Variants in NCBP2 observed in about 807,000 individuals in gnomAD.
The protein encoded by NCBP2 is nuclear cap-binding protein subunit 2.
NCBP2 carries 8 observed loss-of-function variants against 21.5 expected under a neutral mutation model. That is an observed-to-expected ratio of 0.37 (90% CI 0.22 to 0.67). The LOEUF is 0.67. Among genes scored for constraint, NCBP2 ranks in the 30% least tolerant of loss-of-function variants. The pLI is 0.56. For synonymous variants in NCBP2, 92 were observed against 75.8 expected (o/e 1.21, Z -1.11); for missense variants, 127 against 206.9 (o/e 0.61, Z 2.37).
At chr3:196,939,069 G>C (rs778324714) in intron 2 of NCBP2, 182 bp downstream of exon 2, 2 of 500,452 alleles carry the variant, frequency 4.0e-6, no homozygotes, top group Non-Finnish European at 7.0e-6. Flanking sequence ...GAACCATAAA[G>C]CATGGATTTC....
Position 196,942,521 on chromosome 3 carries a change from C to T in NCBP2, c.-18G>A. 6.2e-7 allele frequency: 1 copy of T among 1,606,546 alleles called. No individual in the cohort carries two copies. The highest frequency in any genetic ancestry group is 8.5e-7 in the Non-Finnish European group (1 of 1,176,428). On this transcript the variant is annotated 5_prime_UTR_variant, in exon 1 of 4. Coordinates refer to ENST00000321256, the MANE Select transcript of NCBP2 (RefSeq NM_007362.5). ...CCCGACATAGTGCAGAGAAGCGGACCACAATGCGGCGACTCCCGGCACGAG... is the reference window on the plus strand; with the variant it reads ...CCCGACATAGTGCAGAGAAGCGGACTACAATGCGGCGACTCCCGGCACGAG...
At position 196,939,443 on chromosome 3, in the gene NCBP2, A is replaced by C; in HGVS notation, c.79-11T>G. On this transcript the variant is annotated splice_polypyrimidine_tract_variant and intron_variant, in intron 1 of 3. Coordinates refer to ENST00000321256, the MANE Select transcript of NCBP2 (RefSeq NM_007362.5). The stretch of plus-strand genomic sequence containing the variant: ...TTCTTCATTGTCACCCTAGAATTTC[A>C]AATAGAGACAAAAGTTAAGCAACTT... 1 of 1,580,192 alleles carries C rather than the reference A, an allele frequency of 6.3e-7. No homozygotes were observed. Among genetic ancestry groups the C allele is most frequent in the Non-Finnish European group, 8.6e-7 (1 of 1,160,714 alleles).
At chr3:196,940,325 T>C (rs562810736) in intron 1 of NCBP2, among the ~76,000 whole-genome samples, 1 of 152,138 alleles carries the variant, frequency 6.6e-6, no homozygotes, top group Admixed American at 6.5e-5. Context: ...GGAGCTGAGA[T>C]TGCACCACTG....
At chr3:196,940,556 T>C (rs1255987456) in intron 1 of NCBP2, among the ~76,000 whole-genome samples, 5 of 152,306 alleles carry the variant, frequency 3.3e-5, no homozygotes, top group Non-Finnish European at 7.4e-5. Flanking sequence ...TCCAAATAAA[T>C]AGCCTACAGT....
At chr3:196,940,781 T>C (rs916917145) in intron 1 of NCBP2, among the ~76,000 whole-genome samples, 2 of 152,188 alleles carry the variant, frequency 1.3e-5, no homozygotes, top group Non-Finnish European at 2.9e-5. Context: ...CTGTCTAAAG[T>C]AGTAACTAAA....
chr3:196,937,961 G>A, intron 2 of NCBP2: 2 of 294,652 alleles, frequency 6.8e-6, no homozygotes, highest in South Asian at 8.1e-5. Flanking sequence ...AACCAGTGCT[G>A]TATATTCAAG....
At chr3:196,941,751 C>T (rs987931882) in intron 1 of NCBP2, 4 of 663,180 alleles carry the variant, frequency 6.0e-6, no homozygotes, top group Non-Finnish European at 1.0e-5. Flanking sequence ...TCTGCTGCCT[C>T]CCCTTTTTCC....
chr3:196,942,201 A>G, intron 1 of NCBP2: 2 of 1,454,332 alleles, frequency 1.4e-6, no homozygotes, highest in Non-Finnish European at 1.8e-6. Flanking sequence ...CTGCGAGCGA[A>G]TGGGATAAGC....
chr3:196,937,445 A>G (rs1461448629), intron 3 of NCBP2, 65 bp downstream of exon 3: 2 of 1,594,910 alleles, frequency 1.3e-6, no homozygotes, highest in Non-Finnish European at 1.7e-6. Context: ...ACAAATTGCC[A>G]AAACACCTGT....
chr3:196,937,107 A>G (rs1716301202), intron 3 of NCBP2, 25 bp from the exon 4 acceptor site: 14 of 1,608,752 alleles, frequency 8.7e-6, no homozygotes, highest in Non-Finnish European at 1.2e-5. Flanking sequence ...ATCCAGAGTT[A>G]CAGTATGGAA....
Position 196,937,005 on chromosome 3 carries a change from C to A in NCBP2, c.*6G>T. The stretch of plus-strand genomic sequence containing the variant: ...GAGTGTTTGTCACTGACAGAGCTCT[C>A]ACCACTCACTGGTTCTGTGCCAGTT... On this transcript the variant is annotated 3_prime_UTR_variant, in exon 4 of 4. Transcript: ENST00000321256. The A allele has an allele frequency of 1.9e-6, 3 of 1,613,992 alleles. No individual in the cohort carries two copies. The highest frequency in any genetic ancestry group is 1.7e-6 in the Non-Finnish European group (2 of 1,179,850).
At position 196,937,560 on chromosome 3, in the gene NCBP2, C is replaced by T. The variant is rs779236116; in HGVS notation, c.349G>A (p.Ala117Thr). ...DDRIIRTDWD[A>T]GFKEGRQYGR... ...TATTGCCTGCCCTCCTTAAAGCCTGCGTCCCAGTCTGTGCGAATGATTCGG... is the reference window on the plus strand; with the variant it reads ...TATTGCCTGCCCTCCTTAAAGCCTGTGTCCCAGTCTGTGCGAATGATTCGG... The change falls in exon 3 of 4, where the codon GCA becomes ACA. Residue 117 changes from alanine (A) to threonine (T), a missense_variant. By Grantham distance (58) the Ala-to-Thr change is moderately conservative. Coordinates refer to ENST00000321256, the MANE Select transcript of NCBP2 (RefSeq NM_007362.5). 1.9e-6 allele frequency: 3 copies of T among 1,614,198 alleles called. No individual in the cohort carries two copies. The highest frequency in any genetic ancestry group is 2.5e-6 in the Non-Finnish European group (3 of 1,180,052).
chr3:196,936,870 A>G lies in NCBP2; in HGVS notation c.*141T>C, dbSNP rs1179116590. ...GCATTCTTTTGGATTCTGTCCTTTA[A>G]TAACTTTCAGAGGCTTCCAGCTCAG... On this transcript the variant is annotated 3_prime_UTR_variant, in exon 4 of 4. Transcript: ENST00000321256. 3.1e-5 allele frequency: 23 copies of G among 736,416 alleles called. No homozygotes were observed. The highest frequency in any genetic ancestry group is 8.8e-5 in the African/African-American group (5 of 56,784). The allele number at this position is 736,416 out of a possible 1,614,324, so 45.6% of individuals were successfully genotyped here. A position where few individuals can be genotyped will look rare whatever the true frequency, so the allele number is the denominator to read the frequency against.
chr3:196,937,610 T>G lies in NCBP2; in HGVS notation c.299A>C (p.Tyr100Ser). 1.2e-6 allele frequency: 2 copies of G among 1,614,234 alleles called. No homozygotes were observed. Among genetic ancestry groups the G allele is most frequent in the South Asian group, 1.1e-5 (1 of 91,092 alleles). ...SRADAENAMR[Y>S]INGTRLDDRI... ...GTCATCCAGACGCGTCCCATTTATG[T>G]ACCGCATGGCGTTTTCCGCATCTGC... is the stretch of plus-strand genomic sequence containing the variant. Residue 100 changes from tyrosine (Y) to serine (S), a missense_variant, in exon 3 of 4, where the codon TAC becomes TCC. Physicochemically the swap from Tyr to Ser is moderately radical, Grantham distance 144 (BLOSUM62 -2). Transcript: ENST00000321256.
chr3:196,939,488 T>C (rs1716425881), intron 1 of NCBP2, 56 bp from the exon 2 acceptor site: 3 of 1,241,830 alleles, frequency 2.4e-6, no homozygotes, highest in Admixed American at 2.4e-5. Context: ...GCTTAAATAG[T>C]ATTTCTAAGT....
chr3:196,937,695 T>C (rs769471034), intron 2 of NCBP2, 47 bp from the exon 3 acceptor site: 4 of 1,603,862 alleles, frequency 2.5e-6, no homozygotes, highest in East Asian at 4.5e-5. Flanking sequence ...TTTCTGGAAA[T>C]AGGGGAACAA....
chr3:196,942,068 A>G (rs1577868481), intron 1 of NCBP2: 2 of 1,527,340 alleles, frequency 1.3e-6, no homozygotes, highest in South Asian at 2.4e-5. Context: ...CTACTCTGGG[A>G]GAGAGAAGGG....
At chr3:196,939,046 ACT>A in intron 2 of NCBP2, 1 of 451,690 alleles carries the variant, frequency 2.2e-6, no homozygotes, top group South Asian at 4.6e-5. Context: ...TTCTTGAAAA[ACT>A]TTTTGTTAAA....
chr3:196,940,797 T>C (rs1044613120), intron 1 of NCBP2, among the ~76,000 whole-genome samples: 2 of 152,368 alleles, frequency 1.3e-5, no homozygotes, highest in South Asian at 2.1e-4. Context: ...CTAAAAGTGG[T>C]AGAAGTGCAA....
Sources: allele counts gnomAD v4.1 joint callset (sites outside exome capture counted in the v4.1 genomes callset), GRCh38; gene constraint gnomAD v4.1.1; transcripts MANE v1.5; gene names NCBI Gene and HGNC (gene_info 2026-07-23, HGNC 2026-07-21).